Variants in KCNN2 observed in about 807,000 individuals in gnomAD.
KCNN2 encodes the protein small conductance calcium-activated potassium channel protein 2.
A neutral mutation model predicts 55.5 loss-of-function variants in KCNN2; 24 were observed. That is an observed-to-expected ratio of 0.43 (90% confidence interval 0.31 to 0.61). KCNN2 has a LOEUF of 0.61. Ranked by LOEUF, KCNN2 falls within the 20% of genes least tolerant of loss-of-function variation. The pLI is 0.08. For synonymous variants in KCNN2, 431 were observed against 336.1 expected (o/e 1.28, Z -3.09); for missense variants, 754 against 853.6 (o/e 0.88, Z 1.45).
chr5:114,367,100 G>C (rs567608345), intron 2 of KCNN2, among the ~76,000 whole-genome samples: 2 of 152,148 alleles, frequency 1.3e-5, no homozygotes, highest in Non-Finnish European at 2.9e-5. Context: ...GAGAACCTTG[G>C]AAAGCAGATC....
At chr5:114,097,691 T>G (rs1443577381) in intron 1 of KCNN2, among the ~76,000 whole-genome samples, 1 of 152,190 alleles carries the variant, frequency 6.6e-6, no homozygotes, top group Non-Finnish European at 1.5e-5. Context: ...CCCCATCCAC[T>G]TAAAGTATTA....
upstream of KCNN2, among the ~76,000 whole-genome samples, chr5:114,361,807 T>C (rs561967878): frequency 6.6e-6 from 1 of 152,192 alleles, no homozygotes; most frequent in South Asian, 2.1e-4. Flanking sequence ...GCTCTCCATC[T>C]CCACGCAATC....
At chr5:114,487,387 G>T (rs888718918) in intron 6 of KCNN2, among the ~76,000 whole-genome samples, 2 of 152,092 alleles carry the variant, frequency 1.3e-5, no homozygotes, top group African/African-American at 2.4e-5. Flanking sequence ...ATTAGTACTA[G>T]AATATTTATT....
At chr5:114,284,189 T>C (rs1467381692) in intron 2 of KCNN2, among the ~76,000 whole-genome samples, 1 of 152,212 alleles carries the variant, frequency 6.6e-6, no homozygotes, top group South Asian at 2.1e-4. Context: ...AGCAAGAAAT[T>C]CCCTAATATC....
chr5:114,167,662 T>G (rs1752944302), intron 1 of KCNN2, among the ~76,000 whole-genome samples: 2 of 152,136 alleles, frequency 1.3e-5, no homozygotes, highest in African/African-American at 4.8e-5. Flanking sequence ...GAAGTGGACC[T>G]GCCCCATTTC....
At chr5:114,483,713 CTG>C (rs3070952) in intron 5 of KCNN2, among the ~76,000 whole-genome samples, 8,525 of 148,256 alleles carry the variant, frequency 0.058, 257 homozygotes, top group South Asian at 0.081. Context: ...TATTTTTCAA[CTG>C]TGTGTGTGTG....
intron 2 of KCNN2, among the ~76,000 whole-genome samples, chr5:114,296,319 T>C (rs949991986): frequency 1.3e-5 from 2 of 152,172 alleles, no homozygotes; most frequent in African/African-American, 2.4e-5. Context: ...TATCAAACAA[T>C]GTGAGTTCAT....
chr5:114,382,906 G>A (rs1434157389), intron 2 of KCNN2, among the ~76,000 whole-genome samples: 4 of 152,126 alleles, frequency 2.6e-5, no homozygotes, highest in African/African-American at 7.2e-5. Flanking sequence ...TTAATATCAC[G>A]CCTAGTTTAC....
At chr5:114,235,741 A>G (rs1754477544) in intron 2 of KCNN2, among the ~76,000 whole-genome samples, 2 of 152,250 alleles carry the variant, frequency 1.3e-5, no homozygotes, top group Admixed American at 6.5e-5. Flanking sequence ...GATACATCAC[A>G]AAAGTCTTCT....
At chr5:114,382,431 A>G (rs551041603) in intron 2 of KCNN2, among the ~76,000 whole-genome samples, 5 of 152,190 alleles carry the variant, frequency 3.3e-5, no homozygotes, top group African/African-American at 7.2e-5. Flanking sequence ...TTCGATGTGT[A>G]TATATCTTTG....
At chr5:114,382,144 A>G (rs1366673035) in intron 2 of KCNN2, among the ~76,000 whole-genome samples, 1 of 152,226 alleles carries the variant, frequency 6.6e-6, no homozygotes, top group Non-Finnish European at 1.5e-5. Flanking sequence ...AAATGGTTGC[A>G]CAGAGGATAG....
intron 1 of KCNN2, among the ~76,000 whole-genome samples, chr5:114,083,319 T>G (rs916079822): frequency 6.6e-6 from 1 of 152,214 alleles, no homozygotes; most frequent in East Asian, 1.9e-4. Context: ...TTCTAGCTTT[T>G]TAAGATAGAA....
At chr5:114,257,370 AT>A (rs200069548) in intron 2 of KCNN2, among the ~76,000 whole-genome samples, 9 of 149,088 alleles carry the variant, frequency 6.0e-5, no homozygotes, top group East Asian at 3.9e-4. Flanking sequence ...GAATTTTAGG[AT>A]TTTTTTTTTA....
At chr5:114,263,059 G>A (rs758615381) in intron 2 of KCNN2, among the ~76,000 whole-genome samples, 50 of 152,298 alleles carry the variant, frequency 3.3e-4, no homozygotes, top group Non-Finnish European at 6.6e-4. Flanking sequence ...AGGACAACTG[G>A]ATCGAGGCCT....
At chr5:114,379,442 ATATT>A (rs1758036212) in intron 2 of KCNN2, among the ~76,000 whole-genome samples, 1 of 137,304 alleles carries the variant, frequency 7.3e-6, no homozygotes, top group African/African-American at 2.6e-5. Context: ...AACATATTAT[ATATT>A]TATAGAATAT....
chr5:114,083,905 C>T (rs1483741845), intron 1 of KCNN2, among the ~76,000 whole-genome samples: 1 of 152,090 alleles, frequency 6.6e-6, no homozygotes, highest in East Asian at 1.9e-4. Flanking sequence ...TGTAGTACTG[C>T]TGTTTTTGAA....
intron 3 of KCNN2, among the ~76,000 whole-genome samples, chr5:114,426,760 TG>T (rs1402057578): frequency 6.6e-6 from 1 of 152,198 alleles, no homozygotes; most frequent in African/African-American, 2.4e-5. Context: ...TTGTATTGAA[TG>T]GTATCATATA....
intron 2 of KCNN2, among the ~76,000 whole-genome samples, chr5:114,320,013 T>C (rs1227745753): frequency 2.6e-5 from 4 of 152,362 alleles, no homozygotes; most frequent in East Asian, 1.9e-4. Flanking sequence ...ATGGGAATTG[T>C]GGACAAAATG....
chr5:114,328,892 C>T (rs1287501260), intron 2 of KCNN2, among the ~76,000 whole-genome samples: 1 of 152,154 alleles, frequency 6.6e-6, no homozygotes, highest in Non-Finnish European at 1.5e-5. Flanking sequence ...TACGAAAGGC[C>T]CCTTTAGCTG....
Sources: gnomAD v4.1 joint callset for allele counts (sites outside exome capture counted in the v4.1 genomes callset) on GRCh38, gnomAD v4.1.1 for gene constraint, MANE v1.5 for transcripts, NCBI Gene and HGNC (gene_info 2026-07-23, HGNC 2026-07-21) for gene names.